SOX6: variants seen among roughly 807,000 people sequenced by gnomAD.
SOX6 encodes transcription factor SOX-6.
SOX6 carries 11 observed loss-of-function variants against 97.8 expected under a neutral mutation model. The ratio of observed to expected loss-of-function variants is 0.11; its 90% CI spans 0.07 to 0.19. The LOEUF (loss-of-function observed/expected upper bound fraction) is 0.19, where lower values mean the gene tolerates loss of function less well. Ranked by LOEUF, SOX6 falls within the 10% of genes least tolerant of loss-of-function variation. The pLI is 1.00. For synonymous variants in SOX6, 360 were observed against 371.4 expected (o/e 0.97, Z 0.35); for missense variants, 810 against 1,039.5 (o/e 0.78, Z 3.04).
At chr11:16,264,140 G>A (rs10832577) in intron 3 of SOX6, among the ~76,000 whole-genome samples, 59,570 of 151,538 alleles carry the variant, frequency 0.39, 12,460 homozygotes, top group East Asian at 0.48. Context: ...ATGAAAAGTA[G>A]TCACTCAACT....
At chr11:16,135,028 G>T (rs1849925698) in intron 6 of SOX6, among the ~76,000 whole-genome samples, 1 of 152,142 alleles carries the variant, frequency 6.6e-6, no homozygotes, top group Non-Finnish European at 1.5e-5. Flanking sequence ...AAATCCTAGG[G>T]TCCATAAGAA....
intron 4 of SOX6, among the ~76,000 whole-genome samples, chr11:16,596,902 C>T (rs186384081): frequency 3.8e-4 from 58 of 151,950 alleles, no homozygotes; most frequent in African/African-American, 1.1e-3. Flanking sequence ...CATTGGTGTA[C>T]GGGAAATGCA....
intron 1 of SOX6, among the ~76,000 whole-genome samples, chr11:16,401,155 A>T (rs1858547800): frequency 6.6e-6 from 1 of 151,572 alleles, no homozygotes; most frequent in Non-Finnish European, 1.5e-5. Flanking sequence ...AAGAACAGTT[A>T]ACTAACTTAC....
chr11:16,389,250 T>C (rs1858086621), intron 1 of SOX6, among the ~76,000 whole-genome samples: 1 of 152,064 alleles, frequency 6.6e-6, no homozygotes. Context: ...CCTCAGCTAG[T>C]TTTATTATTT....
At chr11:16,302,062 T>C (rs530787009) in intron 3 of SOX6, among the ~76,000 whole-genome samples, 1 of 152,192 alleles carries the variant, frequency 6.6e-6, no homozygotes, top group African/African-American at 2.4e-5. Flanking sequence ...AAACAGCTGA[T>C]TCCTTCTCTC....
intron 1 of SOX6, among the ~76,000 whole-genome samples, chr11:16,390,042 C>T (rs1858124016): frequency 6.8e-6 from 1 of 146,642 alleles, no homozygotes; most frequent in Admixed American, 6.9e-5. Flanking sequence ...GTCTTACCTG[C>T]AGTAAGCAGT....
Position 16,234,576 on chromosome 11 carries a change from T to A in SOX6, c.535+6A>T. ...ATTGACATGTTCGATATATTTTATG[T>A]TGTACCTTTAATTTCTCCAAGAAGT... is the stretch of plus-strand genomic sequence containing the variant. On this transcript the variant is annotated splice_donor_region_variant and intron_variant, in intron 4 of 15. Transcript: ENST00000683767. 2 of 1,511,458 alleles carry A rather than the reference T, an allele frequency of 1.3e-6. No homozygotes were observed. The highest frequency in any genetic ancestry group is 1.8e-6 in the Non-Finnish European group (2 of 1,091,000). 93.6% of individuals were successfully genotyped at this position (1,511,458 alleles called of 1,614,324 possible).
chr11:16,636,029 T>C (rs1564853821), intron 3 of SOX6, among the ~76,000 whole-genome samples: 1 of 152,032 alleles, frequency 6.6e-6, no homozygotes, highest in Non-Finnish European at 1.5e-5. Flanking sequence ...AAATGTGGGG[T>C]CAGAGCCCCC....
chr11:16,526,610 G>C (rs1264428703), intron 4 of SOX6, among the ~76,000 whole-genome samples: 8 of 151,768 alleles, frequency 5.3e-5, no homozygotes, highest in Admixed American at 5.3e-4. Context: ...TTGTGCACAT[G>C]TACCCTAAAA....
chr11:16,454,143 C>T (rs563420715), intron 1 of SOX6, among the ~76,000 whole-genome samples: 2 of 152,068 alleles, frequency 1.3e-5, no homozygotes, highest in Non-Finnish European at 2.9e-5. Context: ...TTGTGCTTTG[C>T]TGTAAAACAC....
intron 1 of SOX6, among the ~76,000 whole-genome samples, chr11:16,473,591 G>A (rs1487773971): frequency 9.0e-5 from 13 of 144,298 alleles, no homozygotes; most frequent in Middle Eastern, 3.5e-3. Context: ...TTGCTCTGTC[G>A]CCCAGGTTGG....
At chr11:16,159,216 G>A (rs1451490884) in intron 6 of SOX6, among the ~76,000 whole-genome samples, 6 of 151,938 alleles carry the variant, frequency 3.9e-5, no homozygotes, top group Admixed American at 2.0e-4. Flanking sequence ...AATGCTCCCA[G>A]CTGTGTTTAA....
At chr11:16,189,419 G>A (rs1317268801) in intron 4 of SOX6, among the ~76,000 whole-genome samples, 1 of 27,466 alleles carries the variant, frequency 3.6e-5, no homozygotes, top group Non-Finnish European at 5.7e-5. Flanking sequence ...GTGTGTGCAT[G>A]TGTGTGTGTG....
At chr11:16,285,516 A>G (rs1469823404) in intron 3 of SOX6, among the ~76,000 whole-genome samples, 1 of 152,116 alleles carries the variant, frequency 6.6e-6, no homozygotes, top group East Asian at 1.9e-4. Context: ...CCTGGGCAGC[A>G]AGAGCGAAAC....
intron 15 of SOX6, among the ~76,000 whole-genome samples, chr11:15,974,965 T>C (rs1853431377): frequency 6.6e-6 from 1 of 152,180 alleles, no homozygotes; most frequent in Non-Finnish European, 1.5e-5. Context: ...AGAATGTGAA[T>C]CTAAGCCATT....
At chr11:15,987,404 T>C (rs1463216248) in intron 14 of SOX6, among the ~76,000 whole-genome samples, 1 of 152,242 alleles carries the variant, frequency 6.6e-6, no homozygotes, top group African/African-American at 2.4e-5. Context: ...GGCTTCTCTG[T>C]GTTCTGCTGG....
At chr11:16,217,171 T>C (rs11023875) in intron 4 of SOX6, among the ~76,000 whole-genome samples, 72,575 of 151,912 alleles carry the variant, frequency 0.48, 17,528 homozygotes, top group South Asian at 0.61. Context: ...GGACATAAAC[T>C]TCAGGGTCTC....
At chr11:16,379,858 C>T (rs1272184012) in intron 1 of SOX6, among the ~76,000 whole-genome samples, 1 of 151,856 alleles carries the variant, frequency 6.6e-6, no homozygotes, top group Admixed American at 6.6e-5. Context: ...AGATGATCAG[C>T]TAAGCTATGA....
chr11:16,680,667 T>C (rs993323541), intron 3 of SOX6, among the ~76,000 whole-genome samples: 18 of 152,068 alleles, frequency 1.2e-4, no homozygotes, highest in African/African-American at 4.1e-4. Context: ...GACTGGCAAA[T>C]TGGATAAAGA....
Sources: allele counts gnomAD v4.1 joint callset (sites outside exome capture counted in the v4.1 genomes callset), GRCh38; gene constraint gnomAD v4.1.1; transcripts MANE v1.5; gene names NCBI Gene and HGNC (gene_info 2026-07-23, HGNC 2026-07-21).